Variants in OSBPL9 observed in about 807,000 individuals in gnomAD.
OSBPL9 encodes oxysterol binding protein like 9.
Under a neutral mutation model 106.6 loss-of-function variants are expected in OSBPL9, and 40 were observed. The observed-to-expected ratio is 0.38, with a 90% CI of 0.29 to 0.49. The LOEUF is 0.49. Among genes scored for constraint, OSBPL9 ranks in the 20% least tolerant of loss-of-function variants. The pLI is 0.97. For synonymous variants in OSBPL9, 269 were observed against 295.4 expected (o/e 0.91, Z 0.92); for missense variants, 609 against 887.2 (o/e 0.69, Z 3.98).
Position 51,783,134 on chromosome 1 carries a change from T to C in OSBPL9, c.1513+491T>C, listed in dbSNP as rs111456955. Among the ~76,000 whole-genome samples the C allele has an allele frequency of 7.2e-3, 1,101 of 152,258 alleles. 10 individuals carry two copies. The highest frequency in any genetic ancestry group is 0.025 in the African/African-American group (1,059 of 41,552). ...AATACCTAATACAATGTAAATGCTA[T>C]GTAAATAGTTGTTTCACTATTTATT... On this transcript the variant is annotated intron_variant, in intron 17 of 23. Transcript: ENST00000428468.
intron 2 of OSBPL9, among the ~76,000 whole-genome samples, chr1:51,661,942 T>C (rs1212234081): frequency 1.3e-5 from 2 of 152,124 alleles, no homozygotes; most frequent in South Asian, 4.1e-4. Flanking sequence ...AAGGGCCTTG[T>C]AGGCTAGGCT....
At chr1:51,761,999 C>A in intron 11 of OSBPL9, 28 bp downstream of exon 11, 1 of 1,467,390 alleles carries the variant, frequency 6.8e-7, no homozygotes, top group Non-Finnish European at 9.5e-7. Flanking sequence ...TTCTTTATGT[C>A]TCATAACTCT....
At chr1:51,642,587 T>C (rs1232028357) in intron 1 of OSBPL9, among the ~76,000 whole-genome samples, 1 of 152,210 alleles carries the variant, frequency 6.6e-6, no homozygotes, top group African/African-American at 2.4e-5. Context: ...TTCTCTCCTA[T>C]GAAGGGGAAA....
intron 9 of OSBPL9, among the ~76,000 whole-genome samples, chr1:51,758,115 A>G (rs1409721833): frequency 6.6e-6 from 1 of 152,146 alleles, no homozygotes; most frequent in Non-Finnish European, 1.5e-5. Context: ...TATTTTTTCT[A>G]TCAAAAACAA....
At chr1:51,694,319 G>A (rs376654372) in intron 3 of OSBPL9, among the ~76,000 whole-genome samples, 91 of 152,228 alleles carry the variant, frequency 6.0e-4, no homozygotes, top group African/African-American at 2.1e-3. Flanking sequence ...TCTCTTTAAC[G>A]TCTGACTTAA....
intron 8 of OSBPL9, 40 bp from the exon 9 acceptor site, chr1:51,756,280 T>C (rs1367155920): frequency 6.4e-6 from 10 of 1,557,022 alleles, no homozygotes; most frequent in Non-Finnish European, 8.8e-6. Context: ...GTTACTTACA[T>C]GTAAGAATGA....
chr1:51,602,107 G>A (rs1434014470), intron 2 of OSBPL9, among the ~76,000 whole-genome samples: 4 of 132,754 alleles, frequency 3.0e-5, no homozygotes, highest in South Asian at 2.5e-4. Flanking sequence ...TGCAAGCTCC[G>A]CCTTCTGGGT....
the OSBPL9 span, among the ~76,000 whole-genome samples, chr1:51,544,207 G>A: frequency 6.6e-6 from 1 of 152,316 alleles, no homozygotes. Context: ...TATGAGAGAA[G>A]ATGTGAAGCT....
the OSBPL9 span, among the ~76,000 whole-genome samples, chr1:51,540,832 G>A: frequency 6.6e-6 from 1 of 150,972 alleles, no homozygotes. Flanking sequence ...GGTGGTGGGC[G>A]TCTGTAATCC....
intron 1 of OSBPL9, among the ~76,000 whole-genome samples, chr1:51,647,671 T>C (rs1272605755): frequency 6.6e-6 from 1 of 152,236 alleles, no homozygotes; most frequent in Non-Finnish European, 1.5e-5. Context: ...TCTAATTTGT[T>C]GTTCCTTGTA....
At chr1:51,722,162 A>ATAGATAG (rs1557740000) in intron 4 of OSBPL9, among the ~76,000 whole-genome samples, 25 of 146,958 alleles carry the variant, frequency 1.7e-4, no homozygotes, top group Non-Finnish European at 3.0e-4. Context: ...CTCTAAAATA[A>ATAGATAG]ATAGATAGAT....
the OSBPL9 span, among the ~76,000 whole-genome samples, chr1:51,568,233 T>C: frequency 3.3e-5 from 5 of 152,192 alleles, no homozygotes; most frequent in East Asian, 5.8e-4. Context: ...AGGGCTCCCA[T>C]TGACCAAACC....
chr1:51,718,458 A>T (rs1165100003), intron 4 of OSBPL9, among the ~76,000 whole-genome samples: 2 of 152,192 alleles, frequency 1.3e-5, no homozygotes, highest in African/African-American at 4.8e-5. Flanking sequence ...ATACTCCAAA[A>T]ATATATATAC....
At chr1:51,738,285 T>G (rs1666147278) in intron 4 of OSBPL9, among the ~76,000 whole-genome samples, 1 of 152,082 alleles carries the variant, frequency 6.6e-6, no homozygotes, top group Admixed American at 6.5e-5. Context: ...CTAAGGGTTA[T>G]GATTGAAGTT....
intron 4 of OSBPL9, among the ~76,000 whole-genome samples, chr1:51,737,546 G>T (rs1665966169): frequency 9.0e-4 from 1 of 1,116 alleles, no homozygotes; most frequent in Non-Finnish European, 2.7e-3. Flanking sequence ...TATTTCAGGG[G>T]TGTGTGTGTG....
the OSBPL9 span, among the ~76,000 whole-genome samples, chr1:51,523,367 A>G: frequency 0.27 from 40,306 of 151,734 alleles, 6,255 homozygotes; most frequent in Middle Eastern, 0.39. Flanking sequence ...TCAGCCTCCC[A>G]AAGTGCTGGG....
At chr1:51,551,561 C>CATTTATTT in the OSBPL9 span, among the ~76,000 whole-genome samples, 70 of 151,876 alleles carry the variant, frequency 4.6e-4, no homozygotes, top group East Asian at 8.5e-3. Flanking sequence ...TTCCAACAGT[C>CATTTATTT]ATTTATTTAT....
At chr1:51,541,314 T>C in the OSBPL9 span, among the ~76,000 whole-genome samples, 1 of 152,230 alleles carries the variant, frequency 6.6e-6, no homozygotes, top group African/African-American at 2.4e-5. Context: ...TATTATCTTT[T>C]CTACTTCATA....
Position 51,782,648 on chromosome 1 carries a change from G to C in OSBPL9, c.1513+5G>C. The C allele has an allele frequency of 6.2e-7, 1 of 1,613,232 alleles. No homozygotes were observed. Among genetic ancestry groups the C allele is most frequent in the Non-Finnish European group, 8.5e-7 (1 of 1,179,324 alleles). On this transcript the variant is annotated splice_donor_5th_base_variant and intron_variant, in intron 17 of 23. Coordinates refer to ENST00000428468, the MANE Select transcript of OSBPL9 (RefSeq NM_024586.6). ...AGGTTTCCCATCATCCACCCAGTAAGTTACAGAGCTCCTCTGCAACCTGTG... is the reference window on the plus strand; with the variant it reads ...AGGTTTCCCATCATCCACCCAGTAACTTACAGAGCTCCTCTGCAACCTGTG...
Sources: allele counts gnomAD v4.1 joint callset (sites outside exome capture counted in the v4.1 genomes callset), GRCh38; gene constraint gnomAD v4.1.1; transcripts MANE v1.5; gene names NCBI Gene and HGNC (gene_info 2026-07-23, HGNC 2026-07-21).